Variants in CXCL5 observed in about 807,000 individuals in gnomAD.
CXCL5 encodes the protein C-X-C motif chemokine ligand 5.
Under a neutral mutation model 12.1 loss-of-function variants are expected in CXCL5, and 13 were observed. The observed-to-expected ratio is 1.08, with a 90% CI of 0.70 to 1.71. The LOEUF (loss-of-function observed/expected upper bound fraction) is 1.71, where lower values mean the gene tolerates loss of function less well. CXCL5 is among the 40% of genes most tolerant of loss of function. The pLI is 0.00. For missense variants in CXCL5, 159 were observed against 142.4 expected, an observed-to-expected ratio of 1.12 and a Z score of -0.59; for synonymous variants, 67 against 59.0, an observed-to-expected ratio of 1.14 and a Z score of -0.62.
Position 73,998,548 on chromosome 4 carries a change from G to A in CXCL5, c.34C>T (p.Pro12Ser). 1.9e-6 allele frequency: 3 copies of A among 1,593,852 alleles called. No individual in the cohort carries two copies. The highest frequency in any genetic ancestry group is 3.5e-5 in the Admixed American group (2 of 56,692). The change falls in exon 1 of 4, where the codon CCC (proline) becomes TCC (serine). Residue 12 changes from proline (P) to serine (S), a missense_variant. Transcript: ENST00000296027. ...GCGCACAAGGAGCTCGAAGGACCGG[G>A]GACACGGGCCGCGCGGCTGGACAGG... Reference protein sequence around the residue: ...SLLSSRAARVPGPSSSLCALL... With the variant: ...SLLSSRAARVSGPSSSLCALL...
intron 2 of CXCL5, 39 bp downstream of exon 2, chr4:73,998,167 T>C: frequency 6.2e-7 from 1 of 1,613,998 alleles, no homozygotes; most frequent in Non-Finnish European, 8.5e-7. Context: ...GATTTCTCTC[T>C]TGCCAAGGTC....
At position 73,998,328 on chromosome 4, in the gene CXCL5, G is replaced by C; in HGVS notation, c.120C>G (p.Ala40=). ...QPGPIASAGP[A]AAVLRELRCV... ...AACGCAGCTCTCTCAACACAGCAGC[G>C]GCAGGACCAGCTGGGGAAGAAAGAG... is the stretch of plus-strand genomic sequence containing the variant. The change falls in exon 2 of 4, where the codon GCC becomes GCG. Residue 40 remains alanine (A), a synonymous_variant. Coordinates refer to ENST00000296027, the MANE Select transcript of CXCL5 (RefSeq NM_002994.5). 6.2e-7 allele frequency: 1 copy of C among 1,614,184 alleles called. No homozygotes were observed. The highest frequency in any genetic ancestry group is 1.6e-4 in the Middle Eastern group (1 of 6,062).
chr4:73,998,406 C>T, intron 1 of CXCL5, 67 bp downstream of exon 1: 1 of 1,607,938 alleles, frequency 6.2e-7, no homozygotes, highest in Non-Finnish European at 8.5e-7. Context: ...ACGCAGCGAC[C>T]CCGCAGAGGC....
Position 73,998,213 on chromosome 4 carries a change from C to T in CXCL5, c.235G>A (p.Glu79Lys). The change falls in exon 2 of 4, where the codon GAA (glutamate) becomes AAA (lysine). Residue 79 changes from glutamate (E) to lysine (K), a missense_variant. Glu to Lys is a moderately conservative substitution (Grantham distance 56, BLOSUM62 1). Transcript: ENST00000296027. The part of the protein sequence containing the change: ...FAIGPQCSKV[E>K]VVASLKNGKE... The stretch of plus-strand genomic sequence containing the variant: ...CAGCAGCACAGAACTTACACCACTT[C>T]CACCTTGGAGCACTGTGGGCCTATG... The T allele has an allele frequency of 6.2e-7, 1 of 1,614,228 alleles. No homozygotes were observed. Among genetic ancestry groups the T allele is most frequent in the Non-Finnish European group, 8.5e-7 (1 of 1,180,042 alleles).
chr4:73,995,894 T>C lies in CXCL5; in HGVS notation c.*1743A>G, dbSNP rs1192826644. 1 of 150,292 alleles carries C rather than the reference T, an allele frequency of 6.7e-6. No individual in the cohort carries two copies. The highest frequency in any genetic ancestry group is 1.5e-5 in the Non-Finnish European group (1 of 67,584). The allele number at this position is 150,292 out of a possible 1,614,324, so 9.3% of individuals were successfully genotyped here. On this transcript the variant is annotated 3_prime_UTR_variant, in exon 4 of 4. Coordinates refer to ENST00000296027, the MANE Select transcript of CXCL5 (RefSeq NM_002994.5). ...CATACGTTTTTACCAAGAAATGTTTTATTTTTCTTGCAGTAGCTTTGTTAA... is the reference window on the plus strand; with the variant it reads ...CATACGTTTTTACCAAGAAATGTTTCATTTTTCTTGCAGTAGCTTTGTTAA...
chr4:73,997,927 A>T, intron 3 of CXCL5, 85 bp downstream of exon 3: 5 of 1,190,148 alleles, frequency 4.2e-6, no homozygotes, highest in Non-Finnish European at 6.1e-6. Flanking sequence ...GTGTTACTTA[A>T]ATCGTACAGA....
intron 1 of CXCL5, 37 bp downstream of exon 1, chr4:73,998,436 C>G (rs1389561345): frequency 2.5e-6 from 4 of 1,606,258 alleles, no homozygotes; most frequent in South Asian, 1.1e-5. Flanking sequence ...CCTCTGTGCC[C>G]GAGTGCGAGT....
chr4:73,997,808 A>G (rs1336775063), intron 3 of CXCL5, among the ~76,000 whole-genome samples, 153 bp from the exon 4 acceptor site: 1 of 152,258 alleles, frequency 6.6e-6, no homozygotes, highest in African/African-American at 2.4e-5. Context: ...ACTTAGTGAC[A>G]AGCTGTGTGT....
At chr4:73,998,142 A>G (rs1578183047) in intron 2 of CXCL5, 47 bp from the exon 3 acceptor site, 1 of 1,613,902 alleles carries the variant, frequency 6.2e-7, no homozygotes, top group East Asian at 2.2e-5. Context: ...CCAAGGTTGA[A>G]GACCCAGGCT....
At position 73,996,516 on chromosome 4, in the gene CXCL5, A is replaced by C. The variant is rs1391223204; in HGVS notation, c.*1121T>G. ...CATAAATGCTGGCCTTCTTCAAATT[A>C]TGATTTTGGAAAATCTAACCCATAC... On this transcript the variant is annotated 3_prime_UTR_variant, in exon 4 of 4. Coordinates refer to ENST00000296027, the MANE Select transcript of CXCL5 (RefSeq NM_002994.5). The C allele has an allele frequency of 1.3e-5, 2 of 152,588 alleles. No individual in the cohort carries two copies. The highest frequency in any genetic ancestry group is 2.9e-5 in the Non-Finnish European group (2 of 68,040). 9.5% of individuals were successfully genotyped at this position (152,588 alleles called of 1,614,324 possible). A position where few individuals can be genotyped will look rare whatever the true frequency, so the allele number is the denominator to read the frequency against.
rs1719220830 is a variant in CXCL5 at position 73,997,494 on chromosome 4, A to G, written c.*143T>C. ...TCACACTCTTCAAAGTGAGGAATCC[A>G]GGAAGAAAGCTAACTACTGGAAAAA... On this transcript the variant is annotated 3_prime_UTR_variant, in exon 4 of 4. Coordinates refer to ENST00000296027, the MANE Select transcript of CXCL5 (RefSeq NM_002994.5). 4.4e-6 allele frequency: 3 copies of G among 683,680 alleles called. No homozygotes were observed. In the South Asian group the frequency reaches 5.6e-5, roughly 13 times the overall value. The allele number at this position is 683,680 out of a possible 1,614,324, so 42.4% of individuals were successfully genotyped here. A position where few individuals can be genotyped will look rare whatever the true frequency, so the allele number is the denominator to read the frequency against.
Position 73,998,328 on chromosome 4 carries a change from G to A in CXCL5, c.120C>T (p.Ala40=), listed in dbSNP as rs758741757. Residue 40 remains alanine (A), a synonymous_variant, in exon 2 of 4, where the codon GCC becomes GCT. Transcript: ENST00000296027. ...AACGCAGCTCTCTCAACACAGCAGC[G>A]GCAGGACCAGCTGGGGAAGAAAGAG... is the stretch of plus-strand genomic sequence containing the variant. ...QPGPIASAGP[A]AAVLRELRCV... is the part of the protein sequence containing the mutation. The A allele has an allele frequency of 2.5e-6, 4 of 1,614,066 alleles. No homozygotes were observed. Among genetic ancestry groups the A allele is most frequent in the South Asian group, 2.2e-5 (2 of 91,082 alleles).
In CXCL5 at chr4:73,998,327, CGGCAGGACCAGCTGG is replaced by C; in HGVS notation, c.110-4_120del. The C allele has an allele frequency of 6.2e-7, 1 of 1,614,190 alleles. No individual in the cohort carries two copies. The highest frequency in any genetic ancestry group is 8.5e-7 in the Non-Finnish European group (1 of 1,180,040). ...CAACGCAGCTCTCTCAACACAGCAG[CGGCAGGACCAGCTGG>C]GGAAGAAAGAGAGACACCCTTTATA... On this transcript the variant is annotated splice_acceptor_variant and splice_polypyrimidine_tract_variant and coding_sequence_variant and intron_variant, in exon 2 of 4. Coordinates refer to ENST00000296027, the MANE Select transcript of CXCL5 (RefSeq NM_002994.5). LOFTEE classifies it high-confidence loss of function.
chr4:73,998,222 AGC>A lies in CXCL5; in HGVS notation c.224_225del (p.Cys75PhefsTer18). On this transcript the variant is annotated frameshift_variant, in exon 2 of 4. Coordinates refer to ENST00000296027, the MANE Select transcript of CXCL5 (RefSeq NM_002994.5). LOFTEE classifies it high-confidence loss of function. ...NLQVFAIGPQ[C>X]SKVEVVASLK... is the part of the protein sequence containing the mutation. ...AGAACTTACACCACTTCCACCTTGGAGCACTGTGGGCCTATGGCGAACACTTG... is the reference window on the plus strand; with the variant it reads ...AGAACTTACACCACTTCCACCTTGGAACTGTGGGCCTATGGCGAACACTTG... 1 of 1,614,230 alleles carries A rather than the reference AGC, an allele frequency of 6.2e-7. No individual in the cohort carries two copies. The highest frequency in any genetic ancestry group is 8.5e-7 in the Non-Finnish European group (1 of 1,180,030).
chr4:73,998,417 T>A, intron 1 of CXCL5, 56 bp downstream of exon 1: 1 of 1,607,668 alleles, frequency 6.2e-7, no homozygotes, highest in East Asian at 2.2e-5. Flanking sequence ...CCGCAGAGGC[T>A]GGGATGCACC....
At position 73,998,280 on chromosome 4, in the gene CXCL5, T is replaced by C. The variant is rs425535; in HGVS notation, c.168A>G (p.Gln56=). Residue 56 remains glutamine, a synonymous_variant, in exon 2 of 4, where the codon CAA becomes CAG. Coordinates refer to ENST00000296027, the MANE Select transcript of CXCL5 (RefSeq NM_002994.5). The part of the protein sequence containing the change: ...ELRCVCLQTT[Q]GVHPKMISNL... ...TACTGATCATTTTGGGATGAACTCC[T>C]TGCGTGGTCTGTAAACAAACGCAAC... 1,408,597 of 1,614,056 alleles carry C rather than the reference T, an allele frequency of 0.87. 618,367 individuals are homozygous for C. The highest frequency in any genetic ancestry group is 0.97 in the East Asian group (43,631 of 44,836).
chr4:73,996,423 G>C lies in CXCL5; in HGVS notation c.*1214C>G, dbSNP rs536004740. 6.5e-6 allele frequency: 1 copy of C among 152,692 alleles called. No homozygotes were observed. Among genetic ancestry groups the C allele is most frequent in the South Asian group, 2.1e-4 (1 of 4,830 alleles). The allele number at this position is 152,692 out of a possible 1,614,324, so 9.5% of individuals were successfully genotyped here. A position where few individuals can be genotyped will look rare whatever the true frequency, so the allele number is the denominator to read the frequency against. On this transcript the variant is annotated 3_prime_UTR_variant, in exon 4 of 4. Coordinates refer to ENST00000296027, the MANE Select transcript of CXCL5 (RefSeq NM_002994.5). Reference sequence around the variant, plus strand: ...ACCCAGGTTCTACTCTGTGAAAGGGGCCAAAGCTGTGAGTGGGGAGGGAAC... The same window carrying C: ...ACCCAGGTTCTACTCTGTGAAAGGGCCCAAAGCTGTGAGTGGGGAGGGAAC...
In CXCL5 at chr4:73,997,931, G is replaced by C. The variant is rs569405414; in HGVS notation, c.326+81C>G. On this transcript the variant is annotated intron_variant, in intron 3 of 3. Transcript: ENST00000296027. ...AAACATGAAAAGTGTTACTTAAATCGTACAGAGAATAAAGACCTTGTGAAG... is the reference window on the plus strand; with the variant it reads ...AAACATGAAAAGTGTTACTTAAATCCTACAGAGAATAAAGACCTTGTGAAG... 2.0e-4 allele frequency: 238 copies of C among 1,206,948 alleles called. 5 individuals are homozygous for C. In the South Asian group the frequency reaches 2.8e-3, roughly 14 times the overall value. 74.8% of individuals were successfully genotyped at this position (1,206,948 alleles called of 1,614,324 possible). A position where few individuals can be genotyped will look rare whatever the true frequency, so the allele number is the denominator to read the frequency against.
chr4:73,995,696 C>T lies in CXCL5; in HGVS notation c.*1941G>A, dbSNP rs912839997. The T allele has an allele frequency of 6.6e-6, 1 of 151,552 alleles. No homozygotes were observed. Among genetic ancestry groups the T allele is most frequent in the African/African-American group, 2.4e-5 (1 of 41,270 alleles). The allele number at this position is 151,552 out of a possible 1,614,324, so 9.4% of individuals were successfully genotyped here. A position where few individuals can be genotyped will look rare whatever the true frequency, so the allele number is the denominator to read the frequency against. On this transcript the variant is annotated 3_prime_UTR_variant, in exon 4 of 4. Transcript: ENST00000296027. ...CAAAGGACAAAATAAAGACTATGAA[C>T]CAATGAGACACATAGTAAAAAAGTA...
Sources: gnomAD v4.1 joint callset for allele counts (sites outside exome capture counted in the v4.1 genomes callset) on GRCh38, gnomAD v4.1.1 for gene constraint, MANE v1.5 for transcripts, NCBI Gene and HGNC (gene_info 2026-07-23, HGNC 2026-07-21) for gene names.